Variants in CALD1 observed in about 807,000 individuals in gnomAD.
CALD1 encodes caldesmon.
A neutral mutation model predicts 99.9 loss-of-function variants in CALD1; 33 were observed. The observed-to-expected ratio is 0.33, with a 90% CI of 0.25 to 0.44. The LOEUF is 0.44. Ranked by LOEUF, CALD1 falls within the 20% of genes least tolerant of loss-of-function variation. The pLI is 1.00. For missense variants in CALD1, 861 were observed against 962.1 expected (o/e 0.89, Z 1.39); for synonymous variants, 310 against 325.0 (o/e 0.95, Z 0.50).
Position 134,950,478 on chromosome 7 carries a change from A to T in CALD1, c.1899A>T (p.Pro633=). 2 of 1,614,120 alleles carry T rather than the reference A, an allele frequency of 1.2e-6. No individual in the cohort carries two copies. The highest frequency in any genetic ancestry group is 1.7e-6 in the Non-Finnish European group (2 of 1,179,924). ...ATGGCTTGTCAGATGACAAGAAACC[A>T]TTCAAGTGTTTCACTCCTAAAGGTT... ...PEDGLSDDKK[P]FKCFTPKGSS... The change falls in exon 9 of 15, where the codon CCA becomes CCT. Residue 633 remains proline, a synonymous_variant. Coordinates refer to ENST00000361675, the MANE Select transcript of CALD1 (RefSeq NM_033138.4).
At chr7:134,720,992 T>A in the CALD1 span, among the ~76,000 whole-genome samples, 1 of 152,206 alleles carries the variant, frequency 6.6e-6, no homozygotes, top group African/African-American at 2.4e-5. Flanking sequence ...AACTGGTGAT[T>A]TGGTGTTTGC....
chr7:134,938,526 C>T (rs1704143193), intron 6 of CALD1, among the ~76,000 whole-genome samples: 1 of 152,164 alleles, frequency 6.6e-6, no homozygotes, highest in South Asian at 2.1e-4. Context: ...ACCCGGCTAT[C>T]TATTAATCCT....
chr7:134,835,720 C>A (rs1255715013), intron 1 of CALD1, among the ~76,000 whole-genome samples: 1 of 152,112 alleles, frequency 6.6e-6, no homozygotes, highest in Non-Finnish European at 1.5e-5. Context: ...TCGAAAATTT[C>A]TAAGTACAAC....
chr7:134,886,159 C>A (rs998735755), intron 3 of CALD1, among the ~76,000 whole-genome samples: 1 of 152,182 alleles, frequency 6.6e-6, no homozygotes. Flanking sequence ...GCTGGAGGAG[C>A]TGACTCATAC....
At chr7:134,921,924 A>T (rs1288766528) in intron 3 of CALD1, among the ~76,000 whole-genome samples, 2 of 152,224 alleles carry the variant, frequency 1.3e-5, no homozygotes, top group African/African-American at 4.8e-5. Context: ...AGGGGAAAAA[A>T]TGAAAGAACC....
At chr7:134,912,347 C>T (rs563661735) in intron 3 of CALD1, among the ~76,000 whole-genome samples, 1 of 152,250 alleles carries the variant, frequency 6.6e-6, no homozygotes, top group Admixed American at 6.5e-5. Context: ...CAGTGGTAAA[C>T]CTTATCTAGT....
intron 1 of CALD1, among the ~76,000 whole-genome samples, chr7:134,772,023 TA>T (rs1796881891): frequency 6.6e-6 from 1 of 152,078 alleles, no homozygotes; most frequent in South Asian, 2.1e-4. Context: ...TCACAACATC[TA>T]GAACAGGCCC....
intron 1 of CALD1, among the ~76,000 whole-genome samples, chr7:134,789,131 G>A (rs1026631031): frequency 2.0e-5 from 3 of 149,084 alleles, no homozygotes; most frequent in Admixed American, 6.7e-5. Flanking sequence ...TTGTATCATT[G>A]TTCAGTGTTT....
intron 2 of CALD1, among the ~76,000 whole-genome samples, chr7:134,849,607 G>GT (rs1294738743): frequency 1.5e-4 from 23 of 151,260 alleles, no homozygotes; most frequent in Non-Finnish European, 4.4e-5. Context: ...AATTGCGTTG[G>GT]TTTTTTTTAA....
At chr7:134,960,374 G>A in intron 12 of CALD1, 159 bp from the exon 13 acceptor site, 1 of 652,328 alleles carries the variant, frequency 1.5e-6, no homozygotes, top group East Asian at 2.7e-5. Context: ...TGAGTTACCA[G>A]GGAAAGAAAA....
Position 134,858,128 on chromosome 7 carries a change from G to A in CALD1, c.-41-9565G>A, listed in dbSNP as rs75356088. ...AGCAAGTCCAGAAGGCCATGCACAA[G>A]TTAAACTACTTTTATGTAAAATATG... is the stretch of plus-strand genomic sequence containing the variant. On this transcript the variant is annotated intron_variant, in intron 2 of 14. Coordinates refer to ENST00000361675, the MANE Select transcript of CALD1 (RefSeq NM_033138.4). Among the ~76,000 whole-genome samples the A allele has an allele frequency of 7.6e-3, 1,143 of 150,840 alleles. 6 individuals carry two copies. Among genetic ancestry groups the A allele is most frequent in the Non-Finnish European group, 0.012 (818 of 67,912 alleles).
At chr7:134,944,185 C>A (rs1031188869) in intron 7 of CALD1, among the ~76,000 whole-genome samples, 1 of 152,138 alleles carries the variant, frequency 6.6e-6, no homozygotes, top group African/African-American at 2.4e-5. Context: ...TTTTGAGGGA[C>A]CCTTTAACCT....
Position 134,745,065 on chromosome 7 carries a change from T to C in CALD1, c.-130+702T>C, listed in dbSNP as rs1323621768. Among the ~76,000 whole-genome samples, 3 of 152,354 alleles carry C rather than the reference T, an allele frequency of 2.0e-5. No homozygotes were observed. In the East Asian group the frequency reaches 5.8e-4, roughly 29 times the overall value. ...TGTACCTCCACATGGATTTTAGCAC[T>C]GTACCTTGCACCTTATAGGCACACA... On this transcript the variant is annotated intron_variant, in intron 1 of 13. Transcript: ENST00000417172.
intron 3 of CALD1, among the ~76,000 whole-genome samples, chr7:134,869,537 C>T (rs1312983715): frequency 6.6e-6 from 1 of 152,116 alleles, no homozygotes. Context: ...AATTAGCAAA[C>T]CTTTTAGGAG....
intron 14 of CALD1, among the ~76,000 whole-genome samples, chr7:134,968,101 C>T (rs377727996): frequency 1.3e-5 from 2 of 152,086 alleles, no homozygotes; most frequent in African/African-American, 4.8e-5. Flanking sequence ...GAGCTGAGAT[C>T]ACACCACTGC....
upstream of CALD1, among the ~76,000 whole-genome samples, chr7:134,742,359 G>T (rs1796599353): frequency 6.6e-6 from 1 of 152,246 alleles, no homozygotes; most frequent in Admixed American, 6.5e-5. Flanking sequence ...CACCCTTGGA[G>T]AATGCTTTGA....
intron 1 of CALD1, among the ~76,000 whole-genome samples, chr7:134,792,198 C>T (rs1195648359): frequency 1.3e-5 from 2 of 152,092 alleles, no homozygotes; most frequent in African/African-American, 4.8e-5. Flanking sequence ...GTCTCTGTTC[C>T]AGCCCTCTCT....
rs762365246 is a variant in CALD1 at position 134,928,807 on chromosome 7, G to A, written c.125G>A (p.Arg42His). 5.0e-6 allele frequency: 8 copies of A among 1,613,886 alleles called. No homozygotes were observed. The highest frequency in any genetic ancestry group is 5.9e-6 in the Non-Finnish European group (7 of 1,179,958). Reference protein sequence around the residue: ...DDEEEAARERRRRARQERLRQ... With the variant: ...DDEEEAARERHRRARQERLRQ... ...GAAGAGGAGGCAGCCCGGGAACGGC[G>A]CCGCCGAGCCCGACAGGAACGGCTG... is the stretch of plus-strand genomic sequence containing the variant. Residue 42 changes from arginine (R) to histidine (H), a missense_variant, in exon 4 of 15, where the codon CGC becomes CAC. Arg to His is a conservative substitution (Grantham distance 29). Coordinates refer to ENST00000361675, the MANE Select transcript of CALD1 (RefSeq NM_033138.4).
the CALD1 span, among the ~76,000 whole-genome samples, chr7:134,727,877 C>T: frequency 6.6e-6 from 1 of 152,078 alleles, no homozygotes; most frequent in Non-Finnish European, 1.5e-5. Flanking sequence ...GAAGCTCGGC[C>T]CAAATGAGTG....
Sources: gnomAD v4.1 joint callset for allele counts (sites outside exome capture counted in the v4.1 genomes callset) on GRCh38, gnomAD v4.1.1 for gene constraint, MANE v1.5 for transcripts, NCBI Gene and HGNC (gene_info 2026-07-23, HGNC 2026-07-21) for gene names.